PTPRR: variants seen among roughly 807,000 people sequenced by gnomAD.
The protein encoded by PTPRR is protein tyrosine phosphatase receptor type R, also known as receptor-type tyrosine-protein phosphatase R.
PTPRR carries 38 observed loss-of-function variants against 77.2 expected under a neutral mutation model. The observed-to-expected ratio is 0.49, with a 90% CI of 0.38 to 0.65. PTPRR has a LOEUF of 0.65. Among genes scored for constraint, PTPRR ranks in the 30% least tolerant of loss-of-function variants. The probability of loss-of-function intolerance (pLI) is 0.00; values close to 1 mark genes in which losing one functional copy is unlikely to be tolerated. For missense variants in PTPRR, 744 were observed against 799.2 expected, an observed-to-expected ratio of 0.93 and a Z score of 0.83; for synonymous variants, 299 against 283.1, an observed-to-expected ratio of 1.06 and a Z score of -0.57.
At chr12:70,906,698 T>C (rs1319256529) in intron 1 of PTPRR, among the ~76,000 whole-genome samples, 1 of 152,160 alleles carries the variant, frequency 6.6e-6, no homozygotes, top group African/African-American at 2.4e-5. Flanking sequence ...TATGCATATG[T>C]ATGTATATAT....
Position 70,670,626 on chromosome 12 carries a change from A to G in PTPRR, c.1498-8021T>C, listed in dbSNP as rs989348969. Among the ~76,000 whole-genome samples the G allele has an allele frequency of 5.3e-5, 8 of 152,166 alleles. No individual in the cohort carries two copies. The East Asian group carries it at 1.5e-3, about 29-fold the overall frequency. On this transcript the variant is annotated intron_variant, in intron 10 of 13. Coordinates refer to ENST00000283228, the MANE Select transcript of PTPRR (RefSeq NM_002849.4). ...TATACCTACTTCCCTTCTTTTCTGA[A>G]AGGGGAGAGAAATGCAGTAAGTAAC...
rs1996089 is a variant in PTPRR, at chr12:70,753,926, G to T, written c.738+265C>A. ...GCTTCAGTGACCTCAGTAAATCACT[G>T]TCTAAAGCTTCATTCTCAGAGTTGA... On this transcript the variant is annotated intron_variant, in intron 5 of 13. Coordinates refer to ENST00000283228, the MANE Select transcript of PTPRR (RefSeq NM_002849.4). Among the ~76,000 whole-genome samples, 49,150 of 152,002 alleles carry T rather than the reference G, an allele frequency of 0.32. 10,442 individuals carry two copies. The highest frequency in any genetic ancestry group is 0.61 in the African/African-American group (25,138 of 41,454).
chr12:70,892,338 C>T (rs191433941), intron 2 of PTPRR, among the ~76,000 whole-genome samples: 50 of 152,130 alleles, frequency 3.3e-4, no homozygotes, highest in African/African-American at 1.1e-3. Flanking sequence ...CTGCTTAAAA[C>T]AGATTCTCAC....
intron 2 of PTPRR, among the ~76,000 whole-genome samples, chr12:70,827,870 A>C (rs1892142523): frequency 6.6e-6 from 1 of 151,536 alleles, no homozygotes; most frequent in African/African-American, 2.4e-5. Context: ...ACAGGCGCCC[A>C]CCACTACACC....
At position 70,754,751 on chromosome 12, in the gene PTPRR, T is replaced by C. The variant is rs192463809; in HGVS notation, c.628-450A>G. Reference sequence around the variant, plus strand: ...TGAAACAAGTGCAAACAAAAGCTTGTGGTGCATTAATAAATACAGCAACAA... The same window carrying C: ...TGAAACAAGTGCAAACAAAAGCTTGCGGTGCATTAATAAATACAGCAACAA... On this transcript the variant is annotated intron_variant, in intron 4 of 13. Transcript: ENST00000283228. 5.1e-6 allele frequency: 8 copies of C among 1,553,672 alleles called. No individual in the cohort carries two copies. In the Admixed American group the frequency reaches 1.5e-4, roughly 30 times the overall value.
At chr12:70,914,923 G>C (rs980277807) in intron 1 of PTPRR, among the ~76,000 whole-genome samples, 1 of 152,178 alleles carries the variant, frequency 6.6e-6, no homozygotes, top group Non-Finnish European at 1.5e-5. Flanking sequence ...CCAGAGTTCA[G>C]GGGAGATAAC....
intron 13 of PTPRR, among the ~76,000 whole-genome samples, chr12:70,652,483 G>A (rs1029933075): frequency 6.6e-6 from 1 of 152,184 alleles, no homozygotes; most frequent in Admixed American, 6.5e-5. Context: ...TTCAAGGAGA[G>A]GATCTGTTTC....
At chr12:70,764,858 A>G in intron 2 of PTPRR, 80 bp from the exon 3 acceptor site, 1 of 1,060,764 alleles carries the variant, frequency 9.4e-7, no homozygotes, top group Non-Finnish European at 1.4e-6. Flanking sequence ...AATAAGTATT[A>G]ATAAGTTCAC....
chr12:70,911,720 A>G (rs974086920), intron 1 of PTPRR, among the ~76,000 whole-genome samples: 2 of 146,648 alleles, frequency 1.4e-5, no homozygotes, highest in Admixed American at 1.4e-4. Context: ...TATAGCATAC[A>G]GATGAAAACT....
At chr12:70,893,576 C>T (rs2137118226) in intron 1 of PTPRR, among the ~76,000 whole-genome samples, 1 of 151,890 alleles carries the variant, frequency 6.6e-6, no homozygotes, top group East Asian at 1.9e-4. Context: ...ACATTTCTCT[C>T]AGTCTTCCCT....
At chr12:70,887,502 G>T (rs1004360229) in intron 2 of PTPRR, among the ~76,000 whole-genome samples, 2 of 152,038 alleles carry the variant, frequency 1.3e-5, no homozygotes, top group Non-Finnish European at 2.9e-5. Context: ...TTTACTGCAG[G>T]TTGAAGTAAA....
chr12:70,702,101 T>A (rs796902134), intron 6 of PTPRR, among the ~76,000 whole-genome samples: 19 of 152,318 alleles, frequency 1.2e-4, no homozygotes, highest in African/African-American at 4.6e-4. Flanking sequence ...GGTAAACTTA[T>A]AAGGGGCCAT....
Position 70,804,441 on chromosome 12 carries a change from C to T in PTPRR, c.358-39663G>A, listed in dbSNP as rs116562514. 7.1e-3 allele frequency among the ~76,000 whole-genome samples: 1,075 copies of T among 151,968 alleles called. 13 individuals are homozygous for T. The highest frequency in any genetic ancestry group is 0.025 in the African/African-American group (1,027 of 41,432). On this transcript the variant is annotated intron_variant, in intron 2 of 13. Coordinates refer to ENST00000283228, the MANE Select transcript of PTPRR (RefSeq NM_002849.4). Reference sequence around the variant, plus strand: ...AGCCATGGTGATATACACCTGTAGTCCCAGCTACTTGGGAGGCTGAGGTGG... The same window carrying T: ...AGCCATGGTGATATACACCTGTAGTTCCAGCTACTTGGGAGGCTGAGGTGG...
At chr12:70,643,502 T>C (rs1015602797) in intron 13 of PTPRR, among the ~76,000 whole-genome samples, 1 of 151,956 alleles carries the variant, frequency 6.6e-6, no homozygotes, top group African/African-American at 2.4e-5. Context: ...AGGCTGGTCA[T>C]AGCAAAAAAA....
At chr12:70,770,486 C>T (rs983147482) in intron 2 of PTPRR, among the ~76,000 whole-genome samples, 8 of 152,086 alleles carry the variant, frequency 5.3e-5, no homozygotes, top group African/African-American at 1.9e-4. Flanking sequence ...GTTAGAATGG[C>T]AATCATTAAA....
chr12:70,670,512 G>A (rs947668915), intron 10 of PTPRR, among the ~76,000 whole-genome samples: 8 of 152,308 alleles, frequency 5.3e-5, no homozygotes, highest in African/African-American at 1.9e-4. Flanking sequence ...CTGAATTTAT[G>A]TGTGTTCAAA....
At chr12:70,745,577 T>C (rs1890187124) in intron 6 of PTPRR, among the ~76,000 whole-genome samples, 1 of 152,192 alleles carries the variant, frequency 6.6e-6, no homozygotes. Flanking sequence ...AGATGAACTT[T>C]GCTTGGATCT....
At chr12:70,784,843 T>C (rs1891289624) in intron 2 of PTPRR, among the ~76,000 whole-genome samples, 1 of 152,192 alleles carries the variant, frequency 6.6e-6, no homozygotes, top group Non-Finnish European at 1.5e-5. Flanking sequence ...ACCAGGATAG[T>C]AATAATATCA....
In PTPRR at chr12:70,884,639, G is replaced by A. The variant is rs537616637; in HGVS notation, c.357+8040C>T. ...TCCCAGCACTTTGGAAGGCCGAGGC[G>A]GGCGGATCACGAGGTCAGTAAATCG... is the stretch of plus-strand genomic sequence containing the variant. On this transcript the variant is annotated intron_variant, in intron 2 of 13. Transcript: ENST00000283228. 2.0e-5 allele frequency among the ~76,000 whole-genome samples: 3 copies of A among 151,942 alleles called. 1 individual carries two copies. In the South Asian group the frequency reaches 6.2e-4, roughly 32 times the overall value.
Sources: gnomAD v4.1 joint callset for allele counts (sites outside exome capture counted in the v4.1 genomes callset) on GRCh38, gnomAD v4.1.1 for gene constraint, MANE v1.5 for transcripts, NCBI Gene and HGNC (gene_info 2026-07-23, HGNC 2026-07-21) for gene names.